Variants in FAM220A observed in about 807,000 individuals in gnomAD.
FAM220A encodes family with sequence similarity 220 member A.
For synonymous variants in FAM220A, 141 were observed against 130.7 expected (o/e 1.08, Z -0.54); for missense variants, 392 against 321.6 (o/e 1.22, Z -1.68).
intron 1 of FAM220A, among the ~76,000 whole-genome samples, chr7:6,332,051 G>C (rs1781648154): frequency 6.6e-6 from 1 of 150,718 alleles, no homozygotes; most frequent in East Asian, 2.0e-4. Context: ...GGTGGAAGTA[G>C]CTGTGAGCCG....
At chr7:6,340,027 G>C (rs1396086774) in intron 1 of FAM220A, among the ~76,000 whole-genome samples, 1 of 152,144 alleles carries the variant, frequency 6.6e-6, no homozygotes, top group Non-Finnish European at 1.5e-5. Flanking sequence ...TGGGATTACA[G>C]GCATGCACCA....
At chr7:6,347,815 A>G (rs1374150556) in intron 1 of FAM220A, among the ~76,000 whole-genome samples, 1 of 151,470 alleles carries the variant, frequency 6.6e-6, no homozygotes, top group Non-Finnish European at 1.5e-5. Flanking sequence ...CAGCACTGGG[A>G]GGCCAAGATG....
At chr7:6,347,629 T>C (rs1374220005) in intron 1 of FAM220A, among the ~76,000 whole-genome samples, 4 of 152,138 alleles carry the variant, frequency 2.6e-5, no homozygotes, top group South Asian at 2.1e-4. Flanking sequence ...AGACGTTTTG[T>C]GCTTCCACGT....
rs182966166 is a variant in FAM220A, at chr7:6,348,925, G to A, written c.-434C>T. The stretch of plus-strand genomic sequence containing the variant: ...GTCCGCACGTCACGCTCGGAGAAGT[G>A]CCTCCGCGAGCAGCCGCCTGTACCA... On this transcript the variant is annotated 5_prime_UTR_variant, in exon 1 of 2. Transcript: ENST00000313324. 4.2e-3 allele frequency: 1,618 copies of A among 384,098 alleles called. 20 individuals are homozygous for A. Among genetic ancestry groups the A allele is most frequent in the African/African-American group, 0.03 (1,440 of 48,024 alleles). The allele number at this position is 384,098 out of a possible 1,614,324, so 23.8% of individuals were successfully genotyped here. A position where few individuals can be genotyped will look rare whatever the true frequency, so the allele number is the denominator to read the frequency against.
At chr7:6,347,981 G>A (rs1310655165) in intron 1 of FAM220A, among the ~76,000 whole-genome samples, 1 of 150,680 alleles carries the variant, frequency 6.6e-6, no homozygotes, top group Non-Finnish European at 1.5e-5. Context: ...AGCGATCTCG[G>A]CTCACCGCAA....
chr7:6,334,482 A>T lies in FAM220A; in HGVS notation c.-81-3247T>A, dbSNP rs561358524. Among the ~76,000 whole-genome samples the T allele has an allele frequency of 1.2e-3, 176 of 152,120 alleles. 1 individual carries two copies. The highest frequency in any genetic ancestry group is 4.0e-3 in the African/African-American group (167 of 41,556). ...GTCCCAGAGGCTCTGTCTCAAAAAA[A>T]GAAAAGATGGAGTCTCACTCTGTCA... On this transcript the variant is annotated intron_variant, in intron 1 of 1. Coordinates refer to ENST00000313324, the MANE Select transcript of FAM220A (RefSeq NM_001037163.2).
intron 1 of FAM220A, 126 bp downstream of exon 1, chr7:6,348,447 G>A (rs1781997816): frequency 2.5e-6 from 1 of 397,588 alleles, no homozygotes. Flanking sequence ...GGGTCGCACG[G>A]GAAAATGCAC....
At chr7:6,334,074 C>A (rs1348895517) in intron 1 of FAM220A, among the ~76,000 whole-genome samples, 1 of 151,220 alleles carries the variant, frequency 6.6e-6, no homozygotes, top group Non-Finnish European at 1.5e-5. Context: ...AATCTATCTC[C>A]TGACCTCGTG....
At chr7:6,347,874 C>T (rs963161705) in intron 1 of FAM220A, among the ~76,000 whole-genome samples, 3 of 133,380 alleles carry the variant, frequency 2.2e-5, no homozygotes, top group Non-Finnish European at 4.8e-5. Context: ...GGCAACATAA[C>T]GAGACCCCTT....
chr7:6,333,772 C>CTTTT (rs531956945), intron 1 of FAM220A, among the ~76,000 whole-genome samples: 2 of 125,076 alleles, frequency 1.6e-5, no homozygotes, highest in African/African-American at 2.9e-5. Flanking sequence ...GAACAAGTGT[C>CTTTT]TTTTTTTTTT....
At chr7:6,336,835 G>C (rs1314982489) in intron 1 of FAM220A, among the ~76,000 whole-genome samples, 1 of 151,936 alleles carries the variant, frequency 6.6e-6, no homozygotes, top group African/African-American at 2.4e-5. Context: ...TTTGTATTTT[G>C]TGTAGAGACA....
intron 1 of FAM220A, among the ~76,000 whole-genome samples, chr7:6,344,134 G>T (rs1228109482): frequency 4.0e-5 from 6 of 148,458 alleles, no homozygotes; most frequent in Admixed American, 6.8e-5. Context: ...GGTAAAGCAT[G>T]TTCTGAAGAA....
At chr7:6,345,298 C>T (rs1781933067) in intron 1 of FAM220A, among the ~76,000 whole-genome samples, 1 of 151,150 alleles carries the variant, frequency 6.6e-6, no homozygotes, top group South Asian at 2.1e-4. Flanking sequence ...ATTTTTTGTA[C>T]AGACTGGGGT....
At chr7:6,336,052 G>A (rs899404929) in intron 1 of FAM220A, among the ~76,000 whole-genome samples, 1 of 151,360 alleles carries the variant, frequency 6.6e-6, no homozygotes, top group Admixed American at 6.6e-5. Flanking sequence ...GCACACCTGT[G>A]GTCTCAGCTA....
intron 1 of FAM220A, among the ~76,000 whole-genome samples, chr7:6,333,840 CTTT>C (rs904989717): frequency 3.1e-5 from 3 of 96,838 alleles, no homozygotes; most frequent in Non-Finnish European, 2.1e-5. Flanking sequence ...CTCCTGGCCT[CTTT>C]TTTTTTTTTT....
rs1000137293 is a variant in FAM220A, at chr7:6,348,798, T to C, written c.-307A>G. 5.5e-4 allele frequency: 217 copies of C among 395,918 alleles called. No homozygotes were observed. Among genetic ancestry groups the C allele is most frequent in the South Asian group, 7.7e-4 (6 of 7,828 alleles). The allele number at this position is 395,918 out of a possible 1,614,324, so 24.5% of individuals were successfully genotyped here. ...TCCCACAGCCCCCCCGCCCGCCCTC[T>C]CCGCGCCGCGTCGCCCCGGCAGCTG... On this transcript the variant is annotated 5_prime_UTR_variant, in exon 1 of 2. Coordinates refer to ENST00000313324, the MANE Select transcript of FAM220A (RefSeq NM_001037163.2).
At chr7:6,343,006 C>T (rs1307247450) in intron 1 of FAM220A, among the ~76,000 whole-genome samples, 1 of 149,980 alleles carries the variant, frequency 6.7e-6, no homozygotes, top group Non-Finnish European at 1.5e-5. Context: ...CACTGCACTC[C>T]AGCCTGGATG....
rs138213138 is a variant in FAM220A, at chr7:6,330,703, C to T, written c.452G>A (p.Arg151Gln). The change falls in exon 2 of 2, where the codon CGG becomes CAG. Residue 151 changes from arginine to glutamine, a missense_variant. Arg to Gln is a conservative substitution (Grantham distance 43). Transcript: ENST00000313324. ...HRGQCPKGEP[R>Q]VSRLPRHQKV... ...TTGATGGCGTGGCAGTCGTGACACC[C>T]GAGGCTCTCCTTTGGGGCACTGTCC... 2.2e-5 allele frequency: 35 copies of T among 1,613,950 alleles called. No homozygotes were observed. The highest frequency in any genetic ancestry group is 3.3e-4 in the Middle Eastern group (2 of 6,084).
chr7:6,339,692 C>T (rs1172584286), intron 1 of FAM220A, among the ~76,000 whole-genome samples: 1 of 151,984 alleles, frequency 6.6e-6, no homozygotes, highest in Admixed American at 6.6e-5. Context: ...ACCATGGTCT[C>T]GATCTCCTGA....
Sources: gnomAD v4.1 joint callset for allele counts (sites outside exome capture counted in the v4.1 genomes callset) on GRCh38, gnomAD v4.1.1 for gene constraint, MANE v1.5 for transcripts, NCBI Gene and HGNC (gene_info 2026-07-23, HGNC 2026-07-21) for gene names.